TUSC3: variants seen among roughly 807,000 people sequenced by gnomAD.
The protein encoded by TUSC3 is tumor suppressor candidate 3.
TUSC3 carries 45 observed loss-of-function variants against 44.8 expected under a neutral mutation model. The observed-to-expected ratio is 1.00, with a 90% confidence interval of 0.79 to 1.29. The LOEUF is 1.29. Ranked by LOEUF, TUSC3 falls within the 50% of genes most tolerant of loss-of-function variation. TUSC3 has a pLI of 0.00. For missense variants in TUSC3, 519 were observed against 437.9 expected, an observed-to-expected ratio of 1.19 and a Z score of -1.65; for synonymous variants, 212 against 152.9, an observed-to-expected ratio of 1.39 and a Z score of -2.85.
At chr8:15,696,873 A>G (rs754257434) in intron 6 of TUSC3, among the ~76,000 whole-genome samples, 1 of 152,132 alleles carries the variant, frequency 6.6e-6, no homozygotes, top group African/African-American at 2.4e-5. Context: ...ATTGGCACCA[A>G]TTCTTCTTTG....
chr8:15,810,412 A>G, the TUSC3 span, among the ~76,000 whole-genome samples: 1 of 152,128 alleles, frequency 6.6e-6, no homozygotes, highest in African/African-American at 2.4e-5. Context: ...CTAAGGTGGG[A>G]GGATCACTTG....
chr8:15,533,685 G>A (rs1039124230), intron 2 of TUSC3, among the ~76,000 whole-genome samples: 1 of 152,308 alleles, frequency 6.6e-6, no homozygotes, highest in Admixed American at 6.5e-5. Flanking sequence ...CCTGAGAGGG[G>A]CTTCTGGCCA....
At chr8:15,543,009 G>C (rs778347472) in intron 1 of TUSC3, among the ~76,000 whole-genome samples, 12 of 152,152 alleles carry the variant, frequency 7.9e-5, no homozygotes, top group Non-Finnish European at 1.2e-4. Flanking sequence ...TCCGTATCTG[G>C]TACTCACTAA....
chr8:15,762,995 A>G (rs1175093337), intron 10 of TUSC3, among the ~76,000 whole-genome samples: 9 of 151,984 alleles, frequency 5.9e-5, no homozygotes, highest in Non-Finnish European at 1.2e-4. Context: ...TCCTGATATC[A>G]CCACATCATT....
intron 6 of TUSC3, among the ~76,000 whole-genome samples, chr8:15,701,358 G>C (rs1050887984): frequency 5.3e-5 from 8 of 152,052 alleles, no homozygotes; most frequent in African/African-American, 1.7e-4. Flanking sequence ...CATAGTATGT[G>C]TCTGGATAGT....
At chr8:15,457,707 GATAA>G (rs1800275655) in intron 1 of TUSC3, among the ~76,000 whole-genome samples, 1 of 147,546 alleles carries the variant, frequency 6.8e-6, no homozygotes, top group South Asian at 2.1e-4. Flanking sequence ...TAATTTATTA[GATAA>G]ATAATAATCT....
upstream of TUSC3, among the ~76,000 whole-genome samples, chr8:15,538,020 G>T (rs755139671): frequency 7.2e-5 from 11 of 152,060 alleles, no homozygotes; most frequent in South Asian, 2.1e-4. Flanking sequence ...TCTTATGTAC[G>T]CACATAGGAG....
chr8:15,477,507 G>C (rs1412681020), intron 1 of TUSC3, among the ~76,000 whole-genome samples: 1 of 152,118 alleles, frequency 6.6e-6, no homozygotes, highest in Non-Finnish European at 1.5e-5. Flanking sequence ...CAGATCACGA[G>C]GTCAGGAGAT....
intron 1 of TUSC3, among the ~76,000 whole-genome samples, chr8:15,430,114 C>G (rs191973911): frequency 6.6e-6 from 1 of 150,792 alleles, no homozygotes; most frequent in African/African-American, 2.5e-5. Flanking sequence ...GGAATCCTCC[C>G]TAATTCATTT....
At chr8:15,460,236 G>C (rs1800326206) in intron 1 of TUSC3, among the ~76,000 whole-genome samples, 2 of 152,066 alleles carry the variant, frequency 1.3e-5, no homozygotes, top group African/African-American at 4.8e-5. Flanking sequence ...CCATTCTTGT[G>C]GAGTAAGTTG....
At chr8:15,802,107 G>T in the TUSC3 span, among the ~76,000 whole-genome samples, 5 of 152,288 alleles carry the variant, frequency 3.3e-5, no homozygotes, top group East Asian at 9.7e-4. Flanking sequence ...ATGCGCCTGT[G>T]AAGACACACC....
At chr8:15,694,962 G>T (rs914532782) in intron 6 of TUSC3, among the ~76,000 whole-genome samples, 6 of 152,216 alleles carry the variant, frequency 3.9e-5, no homozygotes, top group South Asian at 2.1e-4. Context: ...GGTATTGGGT[G>T]TGCTGGTGTG....
At chr8:15,770,054 C>T (rs1255812861), downstream of TUSC3, among the ~76,000 whole-genome samples, 1 of 152,154 alleles carries the variant, frequency 6.6e-6, no homozygotes, top group African/African-American at 2.4e-5. Context: ...CCAGCAATCC[C>T]ATTACTGGGT....
At chr8:15,728,592 A>C (rs566739158) in intron 6 of TUSC3, among the ~76,000 whole-genome samples, 4 of 152,248 alleles carry the variant, frequency 2.6e-5, no homozygotes, top group African/African-American at 9.6e-5. Context: ...TACTCTCCTG[A>C]GTTAGGGGAG....
chr8:15,655,434 T>C (rs959820105), intron 3 of TUSC3, among the ~76,000 whole-genome samples: 1 of 152,202 alleles, frequency 6.6e-6, no homozygotes, highest in African/African-American at 2.4e-5. Context: ...GGCAAGCCAC[T>C]GTGCAGGCAC....
intron 3 of TUSC3, among the ~76,000 whole-genome samples, chr8:15,655,196 C>G (rs1314718700): frequency 6.6e-6 from 1 of 152,134 alleles, no homozygotes; most frequent in African/African-American, 2.4e-5. Flanking sequence ...GAAAGGCAGT[C>G]TCCCAGTAAA....
At chr8:15,572,398 C>T (rs764536839) in intron 1 of TUSC3, among the ~76,000 whole-genome samples, 1 of 152,114 alleles carries the variant, frequency 6.6e-6, no homozygotes, top group South Asian at 2.1e-4. Context: ...AGACTTAGGG[C>T]CTTGTTCTGA....
intron 10 of TUSC3, among the ~76,000 whole-genome samples, chr8:15,761,022 C>A (rs1278812259): frequency 6.6e-6 from 1 of 152,176 alleles, no homozygotes; most frequent in Non-Finnish European, 1.5e-5. Context: ...AGGGCCATGA[C>A]TTTCAGTCAT....
intron 8 of TUSC3, among the ~76,000 whole-genome samples, chr8:15,747,908 C>T (rs1811489514): frequency 6.6e-6 from 1 of 152,032 alleles, no homozygotes; most frequent in African/African-American, 2.4e-5. Flanking sequence ...AACCAAAAAC[C>T]TAAAATTATT....
Sources: allele counts gnomAD v4.1 joint callset (sites outside exome capture counted in the v4.1 genomes callset), GRCh38; gene constraint gnomAD v4.1.1; transcripts MANE v1.5; gene names NCBI Gene and HGNC (gene_info 2026-07-23, HGNC 2026-07-21).